CNTNAP5: variants seen among roughly 807,000 people sequenced by gnomAD.
The protein encoded by CNTNAP5 is contactin associated protein family member 5, also known as contactin-associated protein-like 5.
CNTNAP5 carries 72 observed loss-of-function variants against 150.2 expected under a neutral mutation model. The ratio of observed to expected loss-of-function variants is 0.48; its 90% CI spans 0.40 to 0.58. The LOEUF (loss-of-function observed/expected upper bound fraction) is 0.58, where lower values mean the gene tolerates loss of function less well. Ranked by LOEUF, CNTNAP5 falls within the 20% of genes least tolerant of loss-of-function variation. The pLI is 0.00. For synonymous variants in CNTNAP5, 672 were observed against 619.8 expected (o/e 1.08, Z -1.25); for missense variants, 1,636 against 1,626.2 (o/e 1.01, Z -0.10).
At chr2:124,846,672 T>C (rs999124165) in intron 19 of CNTNAP5, among the ~76,000 whole-genome samples, 1 of 152,168 alleles carries the variant, frequency 6.6e-6, no homozygotes, top group Non-Finnish European at 1.5e-5. Flanking sequence ...CCTTAATTGT[T>C]TTACTGATTC....
In CNTNAP5 at chr2:124,025,363, G is replaced by T; in HGVS notation, c.-288G>T. 5 of 429,380 alleles carry T rather than the reference G, an allele frequency of 1.2e-5. No individual in the cohort carries two copies. Among genetic ancestry groups the T allele is most frequent in the East Asian group, 4.2e-5 (1 of 23,598 alleles). 26.6% of individuals were successfully genotyped at this position (429,380 alleles called of 1,614,324 possible). ...GGCGCCTGTCGTTCTAATTGGGTTT[G>T]GATTTGCACCGTTAAGGAGGGGGGA... On this transcript the variant is annotated 5_prime_UTR_variant, in exon 1 of 24. Coordinates refer to ENST00000682447, the MANE Select transcript of CNTNAP5 (RefSeq NM_001367498.1).
At chr2:124,632,803 G>T (rs1473500840) in intron 12 of CNTNAP5, among the ~76,000 whole-genome samples, 1 of 152,108 alleles carries the variant, frequency 6.6e-6, no homozygotes, top group Non-Finnish European at 1.5e-5. Flanking sequence ...TCCACAGGCT[G>T]TACAGGGAGC....
chr2:124,839,732 C>A (rs17012049), intron 19 of CNTNAP5, among the ~76,000 whole-genome samples: 7,648 of 152,158 alleles, frequency 0.05, 618 homozygotes, highest in African/African-American at 0.17. Flanking sequence ...AGCCCTTTAG[C>A]ATCTGACCCA....
chr2:124,163,014 C>T (rs1684723527), intron 1 of CNTNAP5, among the ~76,000 whole-genome samples: 1 of 152,128 alleles, frequency 6.6e-6, no homozygotes, highest in Admixed American at 6.6e-5. Context: ...TTTCTAGTGA[C>T]AGTGTACTTC....
chr2:124,577,347 C>T (rs140005532), intron 11 of CNTNAP5, among the ~76,000 whole-genome samples: 17 of 152,272 alleles, frequency 1.1e-4, no homozygotes, highest in Admixed American at 3.9e-4. Flanking sequence ...TAATACATCC[C>T]TAAATCAGTG....
At chr2:124,288,740 T>A (rs536293416) in intron 3 of CNTNAP5, among the ~76,000 whole-genome samples, 1 of 152,294 alleles carries the variant, frequency 6.6e-6, no homozygotes, top group East Asian at 1.9e-4. Context: ...CTCTTGAAAG[T>A]CATTTATTTA....
At position 124,100,285 on chromosome 2, in the gene CNTNAP5, C is replaced by G. The variant is rs76245294; in HGVS notation, c.82+74553C>G. 6.2e-3 allele frequency among the ~76,000 whole-genome samples: 943 copies of G among 152,232 alleles called. 6 individuals are homozygous for G. Among genetic ancestry groups the G allele is most frequent in the African/African-American group, 0.022 (903 of 41,544 alleles). On this transcript the variant is annotated intron_variant, in intron 1 of 23. Transcript: ENST00000682447. Reference sequence around the variant, plus strand: ...GTGCTAAACTGCTCATGAGAGTTCACCCCTGTGACTCAAACTCCTCCCACA... The same window carrying G: ...GTGCTAAACTGCTCATGAGAGTTCAGCCCTGTGACTCAAACTCCTCCCACA...
At chr2:124,147,412 G>A (rs1217699551) in intron 1 of CNTNAP5, among the ~76,000 whole-genome samples, 2 of 152,174 alleles carry the variant, frequency 1.3e-5, no homozygotes, top group Non-Finnish European at 2.9e-5. Flanking sequence ...ATACAAAGCG[G>A]AATAAAGAGA....
intron 21 of CNTNAP5, among the ~76,000 whole-genome samples, chr2:124,878,657 T>C (rs1040591126): frequency 5.3e-5 from 8 of 151,682 alleles, no homozygotes; most frequent in East Asian, 1.9e-4. Context: ...GTGGAGGTGG[T>C]AGTGTGGACA....
At chr2:124,170,833 A>G (rs974390325) in intron 1 of CNTNAP5, among the ~76,000 whole-genome samples, 6 of 151,940 alleles carry the variant, frequency 3.9e-5, no homozygotes, top group Admixed American at 2.6e-4. Flanking sequence ...GAACAAATAG[A>G]CAGAGGGAGT....
intron 22 of CNTNAP5, among the ~76,000 whole-genome samples, chr2:124,904,672 C>T (rs936601962): frequency 6.6e-6 from 1 of 151,926 alleles, no homozygotes; most frequent in African/African-American, 2.4e-5. Context: ...ATTGAATATC[C>T]ACATGCAAAA....
intron 13 of CNTNAP5, among the ~76,000 whole-genome samples, chr2:124,719,523 A>C (rs1459465990): frequency 6.6e-6 from 1 of 152,194 alleles, no homozygotes; most frequent in East Asian, 1.9e-4. Flanking sequence ...TGTATAAAAA[A>C]AGGGGTTTTA....
At chr2:124,232,984 C>T (rs1406042740) in intron 2 of CNTNAP5, among the ~76,000 whole-genome samples, 3 of 150,952 alleles carry the variant, frequency 2.0e-5, no homozygotes, top group Non-Finnish European at 4.4e-5. Context: ...AGATCCTTTA[C>T]CCTATAATAC....
At chr2:124,774,270 A>G (rs1344424778) in intron 17 of CNTNAP5, among the ~76,000 whole-genome samples, 3 of 152,020 alleles carry the variant, frequency 2.0e-5, no homozygotes, top group African/African-American at 4.8e-5. Context: ...ATGAAATGCC[A>G]CCAGCATTCA....
intron 19 of CNTNAP5, among the ~76,000 whole-genome samples, chr2:124,822,544 C>A (rs756685966): frequency 2.6e-5 from 4 of 152,016 alleles, no homozygotes; most frequent in African/African-American, 4.8e-5. Flanking sequence ...TGTACTATTG[C>A]CATTTTAAAA....
intron 19 of CNTNAP5, among the ~76,000 whole-genome samples, chr2:124,853,156 T>C (rs1221898437): frequency 6.6e-6 from 1 of 152,194 alleles, no homozygotes; most frequent in Non-Finnish European, 1.5e-5. Context: ...CGAACTCTTA[T>C]CCCTCAGTGG....
At chr2:124,172,853 G>T (rs1397320095) in intron 1 of CNTNAP5, among the ~76,000 whole-genome samples, 1 of 151,838 alleles carries the variant, frequency 6.6e-6, no homozygotes, top group East Asian at 1.9e-4. Flanking sequence ...TATATACAGG[G>T]CACCTCACTT....
intron 11 of CNTNAP5, among the ~76,000 whole-genome samples, chr2:124,590,061 C>T (rs888932975): frequency 6.6e-6 from 1 of 151,242 alleles, no homozygotes; most frequent in Non-Finnish European, 1.5e-5. Flanking sequence ...TTTTCCCCTC[C>T]CTCTCTCTCT....
Position 124,474,817 on chromosome 2 carries a change from C to T in CNTNAP5, c.997C>T (p.Leu333Phe), listed in dbSNP as rs1693601009. The T allele has an allele frequency of 1.9e-6, 3 of 1,607,712 alleles. No individual in the cohort carries two copies. The highest frequency in any genetic ancestry group is 1.3e-5 in the African/African-American group (1 of 74,570). The change falls in exon 7 of 24, where the codon CTT (leucine) becomes TTT (phenylalanine). Residue 333 changes from leucine to phenylalanine, a missense_variant. Leu to Phe is a conservative substitution (Grantham distance 22). Transcript: ENST00000682447. Reference protein sequence around the residue: ...KKNFHGCIENLYYNGVNIIDL... With the variant: ...KKNFHGCIENFYYNGVNIIDL... ...AAACTTCCATGGATGCATCGAAAAC[C>T]TTTACTACAATGGAGTAAACATAAT...
Sources: gnomAD v4.1 joint callset for allele counts (sites outside exome capture counted in the v4.1 genomes callset) on GRCh38, gnomAD v4.1.1 for gene constraint, MANE v1.5 for transcripts, NCBI Gene and HGNC (gene_info 2026-07-23, HGNC 2026-07-21) for gene names.